Variants in PSD3 observed in about 807,000 individuals in gnomAD.
The protein encoded by PSD3 is pleckstrin and Sec7 domain containing 3, also known as PH and SEC7 domain-containing protein 3.
In PSD3, 49 loss-of-function variants were observed where a neutral mutation model predicts 105.5. The observed-to-expected ratio is 0.46, with a 90% CI of 0.37 to 0.59. The LOEUF is 0.59. Among genes scored for constraint, PSD3 ranks in the 20% least tolerant of loss-of-function variants. The probability of loss-of-function intolerance (pLI) is 0.00; values close to 1 mark genes in which losing one functional copy is unlikely to be tolerated. For synonymous variants in PSD3, 557 were observed against 457.8 expected (o/e 1.22, Z -2.77); for missense variants, 1,561 against 1,263.8 (o/e 1.24, Z -3.57).
chr8:18,785,024 G>T (rs1191676578), intron 8 of PSD3, among the ~76,000 whole-genome samples: 2 of 152,082 alleles, frequency 1.3e-5, no homozygotes, highest in Non-Finnish European at 2.9e-5. Context: ...CCCTTGCTGA[G>T]CTTATCTAGG....
At chr8:18,856,994 C>A (rs568648639) in intron 4 of PSD3, among the ~76,000 whole-genome samples, 1 of 152,178 alleles carries the variant, frequency 6.6e-6, no homozygotes, top group Non-Finnish European at 1.5e-5. Context: ...CCACACTCTT[C>A]GCCACCAACC....
At chr8:18,558,179 T>C (rs1435399663) in intron 14 of PSD3, among the ~76,000 whole-genome samples, 2 of 152,240 alleles carry the variant, frequency 1.3e-5, no homozygotes, top group Non-Finnish European at 2.9e-5. Flanking sequence ...TGTTTTGTTA[T>C]GGCAGCCTGA....
intron 9 of PSD3, among the ~76,000 whole-genome samples, chr8:18,686,382 T>TC (rs982279385): frequency 1.3e-5 from 2 of 152,182 alleles, no homozygotes; most frequent in African/African-American, 4.8e-5. Flanking sequence ...CCACGCTGTG[T>TC]CCCTCACACT....
intron 9 of PSD3, among the ~76,000 whole-genome samples, chr8:18,727,583 C>CACAT (rs397816003): frequency 3.4e-5 from 5 of 147,702 alleles, no homozygotes; most frequent in Non-Finnish European, 6.0e-5. Flanking sequence ...CACACACACA[C>CACAT]GCACGCACAC....
At chr8:18,754,895 T>C (rs1163631247) in intron 9 of PSD3, among the ~76,000 whole-genome samples, 9 of 152,178 alleles carry the variant, frequency 5.9e-5, no homozygotes, top group Non-Finnish European at 1.3e-4. Context: ...CCTTATTGGC[T>C]AAGTAAATAC....
At chr8:19,051,776 G>A (rs73206428) in intron 1 of PSD3, among the ~76,000 whole-genome samples, 12,291 of 152,128 alleles carry the variant, frequency 0.081, 576 homozygotes, top group Middle Eastern at 0.17. Flanking sequence ...TGTATCCACC[G>A]TACCTAGCAT....
chr8:18,964,488 T>G (rs992243091), intron 1 of PSD3, among the ~76,000 whole-genome samples: 5 of 152,080 alleles, frequency 3.3e-5, no homozygotes, highest in East Asian at 1.9e-4. Context: ...AAACTAATGC[T>G]TTACTCCTTA....
At chr8:19,051,091 G>A (rs1261690636) in intron 1 of PSD3, among the ~76,000 whole-genome samples, 1 of 152,242 alleles carries the variant, frequency 6.6e-6, no homozygotes, top group East Asian at 1.9e-4. Flanking sequence ...ACTGCAGCTA[G>A]GGTGCACATC....
At chr8:19,031,145 T>C (rs929971856) in intron 1 of PSD3, among the ~76,000 whole-genome samples, 3 of 152,196 alleles carry the variant, frequency 2.0e-5, no homozygotes, top group African/African-American at 7.2e-5. Context: ...CTCCTCTCTG[T>C]CTACTGTAGG....
chr8:18,841,467 A>AACACACACACAC (rs35771611), intron 4 of PSD3, among the ~76,000 whole-genome samples: 3,455 of 148,206 alleles, frequency 0.023, 39 homozygotes, highest in Non-Finnish European at 0.033. Flanking sequence ...CTGCTATTTA[A>AACACACACACAC]ACACACACAC....
intron 9 of PSD3, among the ~76,000 whole-genome samples, chr8:18,691,720 G>A (rs1172013278): frequency 2.0e-5 from 3 of 152,138 alleles, no homozygotes; most frequent in Non-Finnish European, 2.9e-5. Flanking sequence ...AACATCTAGT[G>A]TCAACTCAAC....
intron 8 of PSD3, among the ~76,000 whole-genome samples, chr8:18,798,842 T>C (rs1273091100): frequency 6.6e-6 from 1 of 151,582 alleles, no homozygotes; most frequent in African/African-American, 2.4e-5. Flanking sequence ...TTAGTTTGTT[T>C]TATTATTTCA....
chr8:18,957,805 G>A (rs986642679), intron 1 of PSD3, among the ~76,000 whole-genome samples: 4 of 152,174 alleles, frequency 2.6e-5, no homozygotes, highest in African/African-American at 9.7e-5. Context: ...AATAATGAAT[G>A]CACTTGTGGG....
At chr8:18,961,335 A>C (rs1823902821) in intron 1 of PSD3, among the ~76,000 whole-genome samples, 1 of 152,240 alleles carries the variant, frequency 6.6e-6, no homozygotes, top group Non-Finnish European at 1.5e-5. Flanking sequence ...TACACAAAGA[A>C]GGTTACTAGT....
At chr8:18,984,915 G>A (rs1825425997) in intron 1 of PSD3, among the ~76,000 whole-genome samples, 1 of 152,086 alleles carries the variant, frequency 6.6e-6, no homozygotes, top group Admixed American at 6.5e-5. Flanking sequence ...TCCTAACCCT[G>A]ACCCATCACG....
intron 11 of PSD3, among the ~76,000 whole-genome samples, chr8:18,627,317 A>T (rs1286502939): frequency 1.1e-4 from 16 of 151,962 alleles, no homozygotes; most frequent in Admixed American, 1.1e-3. Context: ...GAATTTGTAG[A>T]GCTGCGTAAA....
In PSD3 at chr8:18,816,994, G is replaced by C. The variant is rs528468670; in HGVS notation, c.1635-12096C>G. Among the ~76,000 whole-genome samples, 36 of 152,280 alleles carry C rather than the reference G, an allele frequency of 2.4e-4. 1 individual carries two copies. The South Asian group carries it at 7.5e-3, about 32-fold the overall frequency. ...AGGAACTGAGGATGTGGCTTTGCAA[G>C]CTATCTTCAGATCATTTCAAACAAA... is the stretch of plus-strand genomic sequence containing the variant. On this transcript the variant is annotated intron_variant, in intron 4 of 15. Coordinates refer to ENST00000327040, the MANE Select transcript of PSD3 (RefSeq NM_015310.4).
At chr8:18,597,034 C>T (rs1418487692) in intron 12 of PSD3, among the ~76,000 whole-genome samples, 1 of 152,116 alleles carries the variant, frequency 6.6e-6, no homozygotes, top group Admixed American at 6.6e-5. Flanking sequence ...TACTTGCCAA[C>T]ATCCATTATG....
intron 4 of PSD3, among the ~76,000 whole-genome samples, chr8:18,809,359 A>G (rs75140563): frequency 0.017 from 2,605 of 152,264 alleles, 71 homozygotes; most frequent in African/African-American, 0.056. Context: ...CTGACCTCCA[A>G]GTAAACATGG....
Sources: gnomAD v4.1 joint callset for allele counts (sites outside exome capture counted in the v4.1 genomes callset) on GRCh38, gnomAD v4.1.1 for gene constraint, MANE v1.5 for transcripts, NCBI Gene and HGNC (gene_info 2026-07-23, HGNC 2026-07-21) for gene names.